Variants in CNGB1 observed in about 807,000 individuals in gnomAD.
CNGB1 encodes cyclic nucleotide-gated channel beta-1.
In CNGB1, 126 loss-of-function variants were observed where a neutral mutation model predicts 151.7. The observed-to-expected ratio is 0.83, with a 90% CI of 0.72 to 0.96. The LOEUF is 0.96. Ranked by LOEUF, CNGB1 falls within the 40% of genes least tolerant of loss-of-function variation. CNGB1 has a pLI of 0.00. For missense variants in CNGB1, 1,698 were observed against 1,627.0 expected (o/e 1.04, Z -0.75); for synonymous variants, 623 against 635.1 (o/e 0.98, Z 0.29).
intron 31 of CNGB1, among the ~76,000 whole-genome samples, chr16:57,893,829 C>G (rs1181751285): frequency 1.3e-5 from 2 of 152,000 alleles, no homozygotes; most frequent in African/African-American, 4.8e-5. Context: ...AAATTTACAG[C>G]AGCAAAGTAG....
chr16:57,970,694 T>C (rs1567402827), intron 1 of CNGB1, among the ~76,000 whole-genome samples: 1 of 152,132 alleles, frequency 6.6e-6, no homozygotes, highest in Non-Finnish European at 1.5e-5. Flanking sequence ...TGCAGGTCCC[T>C]CCCATCTTTC....
At chr16:57,955,439 A>T in intron 12 of CNGB1, 1 of 1,251,992 alleles carries the variant, frequency 8.0e-7, no homozygotes, top group South Asian at 1.3e-5. Context: ...TGAGTGAGTG[A>T]GTGGATGAGT....
rs562074811 is a variant in CNGB1, at chr16:57,964,284, G to A, written c.218-82C>T. 4 of 1,476,468 alleles carry A rather than the reference G, an allele frequency of 2.7e-6. No individual in the cohort carries two copies. The East Asian group carries it at 9.1e-5, about 33-fold the overall frequency. 91.5% of individuals were successfully genotyped at this position (1,476,468 alleles called of 1,614,324 possible). On this transcript the variant is annotated intron_variant, in intron 3 of 32. Coordinates refer to ENST00000251102, the MANE Select transcript of CNGB1 (RefSeq NM_001297.5). Reference sequence around the variant, plus strand: ...CCTGCTTGGGGAGATCAAGTCAGGGGAGAGGAGAGAGACCCCCAGGGGTCA... The same window carrying A: ...CCTGCTTGGGGAGATCAAGTCAGGGAAGAGGAGAGAGACCCCCAGGGGTCA...
chr16:57,955,413 G>A lies in CNGB1; in HGVS notation c.874+1928C>T, dbSNP rs114382245. On this transcript the variant is annotated intron_variant, in intron 12 of 32. Coordinates refer to ENST00000251102, the MANE Select transcript of CNGB1 (RefSeq NM_001297.5). ...AGGGTGGGTGGCTGGGTGGACAGGC[G>A]GAGGGAATGAGTGAGTGAGTGAGTG... 41 of 1,490,400 alleles carry A rather than the reference G, an allele frequency of 2.8e-5. No homozygotes were observed. The South Asian group carries it at 3.1e-4, about 11-fold the overall frequency. 92.3% of individuals were successfully genotyped at this position (1,490,400 alleles called of 1,614,324 possible).
intron 1 of CNGB1, 164 bp from the exon 2 acceptor site, chr16:57,967,458 C>A (rs901028601): frequency 1.5e-6 from 1 of 661,654 alleles, no homozygotes; most frequent in Admixed American, 2.5e-5. Flanking sequence ...ATTTGGGAGG[C>A]TGAGATGGGC....
chr16:57,968,639 T>C (rs1268777562), intron 1 of CNGB1, among the ~76,000 whole-genome samples: 1 of 152,184 alleles, frequency 6.6e-6, no homozygotes, highest in African/African-American at 2.4e-5. Context: ...CTACATAATC[T>C]CATTATAAGT....
Position 57,964,119 on chromosome 16 carries a change from T to G in CNGB1, c.290+11A>C, listed in dbSNP as rs1247230459. The G allele has an allele frequency of 5.0e-6, 8 of 1,613,208 alleles. No individual in the cohort carries two copies. In the East Asian group the frequency reaches 1.8e-4, roughly 36 times the overall value. On this transcript the variant is annotated intron_variant, in intron 4 of 32. Transcript: ENST00000251102. ...GGCTGGCCCTGAAGAGAGGGGAGGG[T>G]GGTGCAGTACCTATTCATTTCAGAA...
At chr16:57,904,631 G>T in intron 26 of CNGB1, 103 bp downstream of exon 26, 2 of 1,531,142 alleles carry the variant, frequency 1.3e-6, no homozygotes, top group East Asian at 2.3e-5. Flanking sequence ...CCTTTCCCAG[G>T]CTTAATCCAA....
At chr16:57,968,614 T>C (rs1962457494) in intron 1 of CNGB1, among the ~76,000 whole-genome samples, 1 of 43,796 alleles carries the variant, frequency 2.3e-5, no homozygotes, top group Non-Finnish European at 7.1e-5. Context: ...ACACTAATTG[T>C]GTAATATGCA....
intron 14 of CNGB1, among the ~76,000 whole-genome samples, chr16:57,941,605 A>G (rs1961669548): frequency 6.6e-6 from 1 of 152,218 alleles, no homozygotes; most frequent in African/African-American, 2.4e-5. Flanking sequence ...AAATCATATG[A>G]TCATCTCAAT....
chr16:57,909,088 G>A (rs1354657333), intron 25 of CNGB1, among the ~76,000 whole-genome samples: 1 of 152,158 alleles, frequency 6.6e-6, no homozygotes, highest in Admixed American at 6.5e-5. Flanking sequence ...GGGCCACACG[G>A]CAAAACTCCA....
rs753863333 is a variant in CNGB1, at chr16:57,884,382, C to T, written c.3538G>A (p.Ala1180Thr). The T allele has an allele frequency of 2.5e-6, 4 of 1,612,296 alleles. No individual in the cohort carries two copies. Among genetic ancestry groups the T allele is most frequent in the African/African-American group, 2.7e-5 (2 of 74,836 alleles). The change falls in exon 33 of 33, where the codon GCC becomes ACC. Residue 1180 changes from alanine (A) to threonine (T), a missense_variant. Physicochemically the swap from Ala to Thr is moderately conservative, Grantham distance 58 (BLOSUM62 0). Transcript: ENST00000251102. ...GTCCGGGGCGCGGGTGGGTCGGTGG[C>T]GGCCTCCTTTGGGTGCGTGTGCTGG... Reference protein sequence around the residue: ...PDQHTHPKEAATDPPAPRTPP... With the variant: ...PDQHTHPKEATTDPPAPRTPP...
At chr16:57,963,405 G>T (rs1962311379) in intron 4 of CNGB1, among the ~76,000 whole-genome samples, 1 of 152,220 alleles carries the variant, frequency 6.6e-6, no homozygotes, top group South Asian at 2.1e-4. Context: ...TCCATGGGAT[G>T]CTTAGGACAG....
intron 23 of CNGB1, among the ~76,000 whole-genome samples, chr16:57,913,431 T>TAACTAC (rs1555489432): frequency 6.6e-6 from 1 of 152,218 alleles, no homozygotes; most frequent in Non-Finnish European, 1.5e-5. Context: ...AGTATATTAA[T>TAACTAC]AACTACTTTT....
chr16:57,930,091 A>G (rs1270109417), intron 17 of CNGB1, among the ~76,000 whole-genome samples: 1 of 152,214 alleles, frequency 6.6e-6, no homozygotes, highest in Non-Finnish European at 1.5e-5. Context: ...TTGTTTATCC[A>G]AAATAATCAA....
intron 14 of CNGB1, among the ~76,000 whole-genome samples, chr16:57,949,132 G>T (rs570058115): frequency 1.1e-4 from 17 of 148,122 alleles, no homozygotes; most frequent in South Asian, 4.3e-4. Context: ...TCTAGTGTGT[G>T]TGGGGGGGGA....
At chr16:57,959,770 G>A in intron 10 of CNGB1, 118 bp downstream of exon 10, 1 of 1,253,208 alleles carries the variant, frequency 8.0e-7, no homozygotes, top group African/African-American at 1.5e-5. Context: ...GCCTTGGGAA[G>A]GAGGCTGCAC....
chr16:57,931,393 G>A (rs546029051), intron 17 of CNGB1, among the ~76,000 whole-genome samples: 31 of 152,124 alleles, frequency 2.0e-4, no homozygotes, highest in Non-Finnish European at 3.7e-4. Flanking sequence ...GGCCTCAAAC[G>A]ATCCACCCAC....
At chr16:57,897,956 A>G (rs775269259) in intron 29 of CNGB1, 42 bp from the exon 30 acceptor site, 43 of 1,598,586 alleles carry the variant, frequency 2.7e-5, no homozygotes, top group Non-Finnish European at 3.5e-5. Flanking sequence ...CATCCCCCAA[A>G]GTCACCAGAG....
Sources: gnomAD v4.1 joint callset for allele counts (sites outside exome capture counted in the v4.1 genomes callset) on GRCh38, gnomAD v4.1.1 for gene constraint, MANE v1.5 for transcripts, NCBI Gene and HGNC (gene_info 2026-07-23, HGNC 2026-07-21) for gene names.